Variants in MARCHF1 observed in about 807,000 individuals in gnomAD.
The protein encoded by MARCHF1 is membrane associated ring-CH-type finger 1.
In MARCHF1, 40 loss-of-function variants were observed where a neutral mutation model predicts 54.2. The ratio of observed to expected loss-of-function variants is 0.74; its 90% CI spans 0.57 to 0.96. The LOEUF is 0.96. Among genes scored for constraint, MARCHF1 ranks in the 40% least tolerant of loss-of-function variants. MARCHF1 has a pLI of 0.00. For missense variants in MARCHF1, 586 were observed against 656.5 expected, an observed-to-expected ratio of 0.89 and a Z score of 1.17; for synonymous variants, 236 against 236.3, an observed-to-expected ratio of 1.00 and a Z score of 0.01.
rs891089857 is a variant in MARCHF1 at position 164,008,312 on chromosome 4, C to T, written c.-247-19603G>A. On this transcript the variant is annotated intron_variant, in intron 2 of 9. Coordinates refer to ENST00000514618, the MANE Select transcript of MARCHF1 (RefSeq NM_001394959.1). ...GTCATAAATATGTGTGCACTCAACACCAAAGGTCACAAGTATGTAAAGTAA... is the reference window on the plus strand; with the variant it reads ...GTCATAAATATGTGTGCACTCAACATCAAAGGTCACAAGTATGTAAAGTAA... Among the ~76,000 whole-genome samples, 10 of 152,004 alleles carry T rather than the reference C, an allele frequency of 6.6e-5. No individual in the cohort carries two copies. The East Asian group carries it at 1.9e-3, about 29-fold the overall frequency.
At chr4:163,768,590 C>T (rs907616567) in intron 4 of MARCHF1, among the ~76,000 whole-genome samples, 22 of 152,138 alleles carry the variant, frequency 1.4e-4, no homozygotes, top group Non-Finnish European at 2.9e-4. Flanking sequence ...CATGCTATAG[C>T]AGCTTCTGAT....
intron 4 of MARCHF1, among the ~76,000 whole-genome samples, chr4:163,778,364 A>G (rs1908294): frequency 0.88 from 133,407 of 152,238 alleles, 59,168 homozygotes; most frequent in East Asian, 0.95. Context: ...CATGACTAAT[A>G]TCTGGCATTG....
chr4:163,955,699 T>C (rs925647685), intron 3 of MARCHF1, among the ~76,000 whole-genome samples: 1 of 152,154 alleles, frequency 6.6e-6, no homozygotes. Flanking sequence ...AGCACTTATG[T>C]CATGGCTGAA....
chr4:163,763,541 G>C (rs1746890172), intron 4 of MARCHF1, among the ~76,000 whole-genome samples: 1 of 152,006 alleles, frequency 6.6e-6, no homozygotes, highest in Non-Finnish European at 1.5e-5. Context: ...TTTTAACTGG[G>C]ACTATGACAA....
chr4:164,177,836 G>A (rs867988750), intron 1 of MARCHF1, among the ~76,000 whole-genome samples: 1 of 135,308 alleles, frequency 7.4e-6, no homozygotes, highest in Non-Finnish European at 1.5e-5. Flanking sequence ...CACACACAGA[G>A]AGACAAAGAA....
At chr4:164,097,022 A>T (rs1026938794) in intron 2 of MARCHF1, among the ~76,000 whole-genome samples, 5 of 152,262 alleles carry the variant, frequency 3.3e-5, no homozygotes, top group East Asian at 1.9e-4. Context: ...TTTACTCTTC[A>T]TAGAGAAGTA....
intron 3 of MARCHF1, among the ~76,000 whole-genome samples, chr4:163,878,213 T>G (rs1750335485): frequency 6.6e-6 from 1 of 152,168 alleles, no homozygotes; most frequent in African/African-American, 2.4e-5. Context: ...TAACACTAGC[T>G]TTTTTAGTCT....
rs762509132 is a variant in MARCHF1, at chr4:164,111,613, C to T, written c.-273G>A. ...AAAATACAGCAGTCTTGTTTAATCA[C>T]AGCAGGACAGTTGAGTATATTCTCT... On this transcript the variant is annotated 5_prime_UTR_variant, in exon 2 of 10. The change creates a new upstream start codon in the 5' untranslated region. Coordinates refer to ENST00000514618, the MANE Select transcript of MARCHF1 (RefSeq NM_001394959.1). 2.0e-5 allele frequency: 3 copies of T among 151,514 alleles called. No individual in the cohort carries two copies. Among genetic ancestry groups the T allele is most frequent in the Non-Finnish European group, 4.4e-5 (3 of 67,668 alleles). 9.4% of individuals were successfully genotyped at this position (151,514 alleles called of 1,614,324 possible).
chr4:163,733,177 GTATATATATATATATATA>G lies in MARCHF1; in HGVS notation c.112-32332_112-32315del, dbSNP rs1169850987. On this transcript the variant is annotated intron_variant, in intron 4 of 9. Transcript: ENST00000514618. Reference sequence around the variant, plus strand: ...TCTCTCTCTCTCTCTCTGTATGTGTGTATATATATATATATATATATATATATATATATATATATATAT... The same window carrying G: ...TCTCTCTCTCTCTCTCTGTATGTGTGTATATATATATATATATATATATAT... 1.1e-3 allele frequency among the ~76,000 whole-genome samples: 20 copies of G among 17,542 alleles called. 2 individuals are homozygous for G. Among genetic ancestry groups the G allele is most frequent in the East Asian group, 4.4e-3 (4 of 916 alleles). The allele number at this position is 17,542 out of a possible 152,430, so 11.5% of individuals were successfully genotyped here. A position where few individuals can be genotyped will look rare whatever the true frequency, so the allele number is the denominator to read the frequency against.
intron 9 of MARCHF1, among the ~76,000 whole-genome samples, chr4:163,540,208 A>G (rs1738677495): frequency 6.6e-6 from 1 of 152,052 alleles, no homozygotes; most frequent in Non-Finnish European, 1.5e-5. Flanking sequence ...AGACACCTAG[A>G]GCATGTCTAA....
chr4:163,704,802 CAT>C (rs1744904160), intron 4 of MARCHF1, among the ~76,000 whole-genome samples: 1 of 151,220 alleles, frequency 6.6e-6, no homozygotes, highest in South Asian at 2.1e-4. Context: ...ATAAAAGAAA[CAT>C]AAAAGCTAAA....
intron 2 of MARCHF1, among the ~76,000 whole-genome samples, chr4:164,099,310 AG>A (rs1438011936): frequency 6.6e-5 from 10 of 152,346 alleles, no homozygotes; most frequent in African/African-American, 2.2e-4. Context: ...TAATAAGAGC[AG>A]GTTAGAATGT....
chr4:163,590,802 T>C (rs2110845177), intron 7 of MARCHF1, among the ~76,000 whole-genome samples: 1 of 152,172 alleles, frequency 6.6e-6, no homozygotes, highest in East Asian at 1.9e-4. Context: ...CTTGGGTGTG[T>C]TGTCCATTCA....
chr4:163,617,307 G>T (rs1180812147), intron 5 of MARCHF1, among the ~76,000 whole-genome samples: 1 of 152,124 alleles, frequency 6.6e-6, no homozygotes, highest in African/African-American at 2.4e-5. Context: ...AGACATTTTA[G>T]TGGTTTATAA....
chr4:164,296,436 G>A (rs961805752), intron 1 of MARCHF1, among the ~76,000 whole-genome samples: 1 of 152,186 alleles, frequency 6.6e-6, no homozygotes, highest in Admixed American at 6.5e-5. Flanking sequence ...GCAGTGGCAT[G>A]ATCTTGACTC....
intron 3 of MARCHF1, among the ~76,000 whole-genome samples, chr4:163,858,856 C>T (rs1018452089): frequency 2.0e-5 from 3 of 152,244 alleles, no homozygotes; most frequent in Non-Finnish European, 2.9e-5. Context: ...TTCCAATGAC[C>T]GCTAAGGACT....
chr4:164,025,515 A>G (rs1753747163), intron 2 of MARCHF1, among the ~76,000 whole-genome samples: 1 of 152,070 alleles, frequency 6.6e-6, no homozygotes, highest in East Asian at 1.9e-4. Context: ...AATTAAGGCC[A>G]AAAAATTATT....
intron 2 of MARCHF1, among the ~76,000 whole-genome samples, chr4:164,099,126 T>G (rs1020461246): frequency 2.8e-4 from 42 of 152,312 alleles, no homozygotes; most frequent in African/African-American, 9.4e-4. Flanking sequence ...TTGAAGTTGG[T>G]TTTCTCAGCT....
chr4:164,287,191 T>C (rs1226758053), intron 1 of MARCHF1, among the ~76,000 whole-genome samples: 2 of 151,006 alleles, frequency 1.3e-5, no homozygotes, highest in Non-Finnish European at 2.9e-5. Flanking sequence ...GAATTAAAGG[T>C]CATTTGTCTC....
Sources: allele counts gnomAD v4.1 joint callset (sites outside exome capture counted in the v4.1 genomes callset), GRCh38; gene constraint gnomAD v4.1.1; transcripts MANE v1.5; gene names NCBI Gene and HGNC (gene_info 2026-07-23, HGNC 2026-07-21).